RXFP2: variants seen among roughly 807,000 people sequenced by gnomAD.
RXFP2 encodes the protein relaxin family peptide receptor 2.
Under a neutral mutation model 88.6 loss-of-function variants are expected in RXFP2, and 68 were observed. The observed-to-expected ratio is 0.77, with a 90% CI of 0.63 to 0.94. RXFP2 has a LOEUF of 0.94. RXFP2 is among the 40% of genes least tolerant of loss of function. The probability of loss-of-function intolerance (pLI) is 0.00; values close to 1 mark genes in which losing one functional copy is unlikely to be tolerated. For synonymous variants in RXFP2, 329 were observed against 306.8 expected (o/e 1.07, Z -0.76); for missense variants, 791 against 893.9 (o/e 0.88, Z 1.47).
At chr13:31,798,841 A>G (rs1433744295) in intron 17 of RXFP2, among the ~76,000 whole-genome samples, 2 of 152,146 alleles carry the variant, frequency 1.3e-5, no homozygotes, top group African/African-American at 2.4e-5. Context: ...CGTACTAAAC[A>G]CCACTTCCCA....
chr13:31,759,433 G>GAAA (rs1226326872), intron 2 of RXFP2, among the ~76,000 whole-genome samples: 1 of 138,066 alleles, frequency 7.2e-6, no homozygotes, highest in Non-Finnish European at 1.6e-5. Flanking sequence ...AAGAAAGAAA[G>GAAA]AAAGAAAGAA....
intron 16 of RXFP2, among the ~76,000 whole-genome samples, chr13:31,794,457 G>A (rs976450387): frequency 2.2e-4 from 33 of 150,546 alleles, no homozygotes; most frequent in African/African-American, 7.8e-4. Context: ...CTCACTATAG[G>A]CTGTGCACTA....
At chr13:31,747,835 T>C (rs1459071401) in intron 1 of RXFP2, among the ~76,000 whole-genome samples, 1 of 151,970 alleles carries the variant, frequency 6.6e-6, no homozygotes, top group African/African-American at 2.4e-5. Context: ...TACTGAGGAG[T>C]GGTTTTGAAA....
intron 1 of RXFP2, 83 bp downstream of exon 1, chr13:31,739,789 A>T: frequency 1.1e-6 from 1 of 892,254 alleles, no homozygotes; most frequent in Non-Finnish European, 1.9e-6. Context: ...GTTGTAATAA[A>T]TATATTGGGG....
At chr13:31,758,763 A>C (rs186480712) in intron 2 of RXFP2, among the ~76,000 whole-genome samples, 299 of 152,048 alleles carry the variant, frequency 2.0e-3, no homozygotes, top group African/African-American at 6.9e-3. Context: ...AGTGGCTGGG[A>C]GTGGCGGCTC....
intron 15 of RXFP2, 95 bp downstream of exon 15, chr13:31,792,130 T>A (rs1291026312): frequency 5.4e-6 from 5 of 924,640 alleles, no homozygotes; most frequent in Non-Finnish European, 6.7e-6. Context: ...ACAAATGGCA[T>A]TTAATGTGAA....
At chr13:31,741,704 A>G (rs896985992) in intron 1 of RXFP2, among the ~76,000 whole-genome samples, 8 of 152,208 alleles carry the variant, frequency 5.3e-5, no homozygotes, top group Non-Finnish European at 1.0e-4. Flanking sequence ...CTAACAGACA[A>G]CTATGCATAA....
At chr13:31,741,936 A>G (rs1029386775) in intron 1 of RXFP2, among the ~76,000 whole-genome samples, 1 of 151,950 alleles carries the variant, frequency 6.6e-6, no homozygotes, top group Non-Finnish European at 1.5e-5. Flanking sequence ...CAACCTGTTG[A>G]AATATGTCCA....
At chr13:31,761,004 G>T (rs531299063) in intron 2 of RXFP2, among the ~76,000 whole-genome samples, 12 of 152,082 alleles carry the variant, frequency 7.9e-5, no homozygotes, top group African/African-American at 2.9e-4. Context: ...ACCTAGGCTG[G>T]AGTGTGGTGC....
At chr13:31,750,842 G>C (rs1370867985) in intron 1 of RXFP2, among the ~76,000 whole-genome samples, 1 of 152,182 alleles carries the variant, frequency 6.6e-6, no homozygotes, top group Non-Finnish European at 1.5e-5. Context: ...GTAAAGAAGT[G>C]GAGACATTGA....
In RXFP2 at chr13:31,800,123, G is replaced by A. The variant is rs558433664; in HGVS notation, c.2006-2023G>A. On this transcript the variant is annotated intron_variant, in intron 17 of 17. Transcript: ENST00000298386. ...ATCACAGTTGACAAAGCTTCTTCTC[G>A]CTTGCCCAGCTTCCCATGGCGTTGT... Among the ~76,000 whole-genome samples the A allele has an allele frequency of 1.1e-4, 16 of 152,244 alleles. No individual in the cohort carries two copies. In the South Asian group the frequency reaches 2.1e-3, roughly 20 times the overall value.
intron 11 of RXFP2, among the ~76,000 whole-genome samples, chr13:31,785,016 T>C (rs1238376332): frequency 5.9e-5 from 9 of 152,190 alleles, no homozygotes; most frequent in Non-Finnish European, 1.5e-5. Flanking sequence ...CATTGCCCTA[T>C]TTAATGTTCT....
intron 1 of RXFP2, among the ~76,000 whole-genome samples, chr13:31,752,708 T>C (rs1401618734): frequency 6.6e-6 from 1 of 152,144 alleles, no homozygotes; most frequent in Non-Finnish European, 1.5e-5. Context: ...TTCGCAGAAG[T>C]AGGGGCAGGC....
chr13:31,754,792 T>C (rs1245972311), intron 1 of RXFP2, among the ~76,000 whole-genome samples: 1 of 152,228 alleles, frequency 6.6e-6, no homozygotes, highest in African/African-American at 2.4e-5. Flanking sequence ...AAATCATACA[T>C]GTGATATGGC....
At chr13:31,777,599 TATA>T in intron 8 of RXFP2, 152 bp downstream of exon 8, 1 of 643,362 alleles carries the variant, frequency 1.6e-6, no homozygotes. Flanking sequence ...TTACTGTTAA[TATA>T]ATACTTCCTG....
intron 1 of RXFP2, among the ~76,000 whole-genome samples, chr13:31,749,108 C>T (rs1191340036): frequency 2.0e-5 from 3 of 152,170 alleles, no homozygotes; most frequent in African/African-American, 7.2e-5. Flanking sequence ...CTCCTTAATA[C>T]ATCTATCTCA....
rs1873041140 is a variant in RXFP2 at position 31,777,417 on chromosome 13, T to C, written c.683T>C (p.Leu228Ser). 1 of 1,611,488 alleles carries C rather than the reference T, an allele frequency of 6.2e-7. No homozygotes were observed. The highest frequency in any genetic ancestry group is 8.5e-7 in the Non-Finnish European group (1 of 1,178,242). The change falls in exon 8 of 18, where the codon TTG becomes TCG. Residue 228 changes from leucine (L) to serine (S), a missense_variant. Physicochemically the swap from Leu to Ser is moderately radical, Grantham distance 145 (BLOSUM62 -2). Coordinates refer to ENST00000298386, the MANE Select transcript of RXFP2 (RefSeq NM_130806.5). ...CCAATAACCAGAATTTCACAGCGCT[T>C]GTTTACGGGATTAAATTCCTTGTTT... ...DNPITRISQR[L>S]FTGLNSLFFL...
chr13:31,774,079 C>T (rs1872832266), intron 5 of RXFP2, among the ~76,000 whole-genome samples: 1 of 152,230 alleles, frequency 6.6e-6, no homozygotes, highest in Non-Finnish European at 1.5e-5. Flanking sequence ...TTGAAATTGG[C>T]ATACTTGCCC....
chr13:31,768,557 A>G (rs1034279079), intron 5 of RXFP2, among the ~76,000 whole-genome samples: 1 of 152,154 alleles, frequency 6.6e-6, no homozygotes, highest in African/African-American at 2.4e-5. Flanking sequence ...AGTAATAGAG[A>G]TTGGCCTCAA....
Sources: gnomAD v4.1 joint callset for allele counts (sites outside exome capture counted in the v4.1 genomes callset) on GRCh38, gnomAD v4.1.1 for gene constraint, MANE v1.5 for transcripts, NCBI Gene and HGNC (gene_info 2026-07-23, HGNC 2026-07-21) for gene names.